GBP1: variants seen among roughly 807,000 people sequenced by gnomAD.
GBP1 encodes the protein guanylate binding protein 1.
GBP1 carries 64 observed loss-of-function variants against 69.5 expected under a neutral mutation model. The observed-to-expected ratio is 0.92, with a 90% confidence interval of 0.75 to 1.13. GBP1 has a LOEUF of 1.13. Among genes scored for constraint, GBP1 ranks in the 50% most tolerant of loss-of-function variants. GBP1 has a pLI of 0.00. For missense variants in GBP1, 630 were observed against 704.1 expected, an observed-to-expected ratio of 0.89 and a Z score of 1.19; for synonymous variants, 250 against 261.2, an observed-to-expected ratio of 0.96 and a Z score of 0.41.
rs370449948 is a variant in GBP1, at chr1:89,054,695, G to C, written c.1652C>G (p.Ala551Gly). 33 of 1,613,740 alleles carry C rather than the reference G, an allele frequency of 2.0e-5. No individual in the cohort carries two copies. Among genetic ancestry groups the C allele is most frequent in the African/African-American group, 2.0e-4 (15 of 74,920 alleles). ...GCAATTAGATACCTGAAGTTTAAGA[G>C]CGAGGGTCCTCTCTTGCTCTTTCAG... ...QLLKEQERTL[A>G]LKLQEQEQLL... The change falls in exon 10 of 11, where the codon GCT (alanine) becomes GGT (glycine). Residue 551 changes from alanine (A) to glycine (G), a missense_variant. Physicochemically the swap from Ala to Gly is moderately conservative, Grantham distance 60. Coordinates refer to ENST00000370473, the MANE Select transcript of GBP1 (RefSeq NM_002053.3).
intron 7 of GBP1, among the ~76,000 whole-genome samples, 154 bp from the exon 8 acceptor site, chr1:89,056,382 C>T (rs1438706808): frequency 6.6e-6 from 1 of 152,208 alleles, no homozygotes; most frequent in Non-Finnish European, 1.5e-5. Context: ...TCTGACCCCA[C>T]TTTCTGCTGA....
chr1:89,055,784 G>T, intron 8 of GBP1: 1 of 594,508 alleles, frequency 1.7e-6, no homozygotes, highest in Non-Finnish European at 3.0e-6. Context: ...TAATAACTTT[G>T]TGCTTCATCT....
In GBP1 at chr1:89,059,837, C is replaced by A. The variant is rs149042211; in HGVS notation, c.318+360G>T. 5.5e-3 allele frequency among the ~76,000 whole-genome samples: 836 copies of A among 151,966 alleles called. 7 individuals carry two copies. Among genetic ancestry groups the A allele is most frequent in the African/African-American group, 0.019 (776 of 41,428 alleles). On this transcript the variant is annotated intron_variant, in intron 3 of 10. Coordinates refer to ENST00000370473, the MANE Select transcript of GBP1 (RefSeq NM_002053.3). ...TATTTTATTGAATAATTAATATACA[C>A]CTGTAATGTATTATCTTATTAAATA...
intron 3 of GBP1, among the ~76,000 whole-genome samples, chr1:89,059,937 A>G (rs1469004654): frequency 1.3e-5 from 2 of 152,246 alleles, no homozygotes; most frequent in Admixed American, 6.5e-5. Flanking sequence ...GGCGAAAATA[A>G]GTCAATTTTC....
chr1:89,062,074 C>T (rs6659897), intron 2 of GBP1, among the ~76,000 whole-genome samples: 66,413 of 151,664 alleles, frequency 0.44, 15,613 homozygotes, highest in East Asian at 0.59. Flanking sequence ...GAATGTAAAA[C>T]GGTACAGTCA....
At chr1:89,057,760 T>A (rs1285652909) in intron 6 of GBP1, among the ~76,000 whole-genome samples, 2 of 152,236 alleles carry the variant, frequency 1.3e-5, no homozygotes, top group Admixed American at 6.5e-5. Context: ...CTCTATTGCA[T>A]AGTGCAGGTC....
intron 2 of GBP1, among the ~76,000 whole-genome samples, chr1:89,060,740 C>A (rs974605705): frequency 3.3e-5 from 5 of 152,176 alleles, no homozygotes; most frequent in African/African-American, 4.8e-5. Flanking sequence ...AAGGAGGCAT[C>A]CTAATTGGTA....
At chr1:89,059,456 G>A in intron 3 of GBP1, 30 bp from the exon 4 acceptor site, 1 of 1,612,434 alleles carries the variant, frequency 6.2e-7, no homozygotes, top group African/African-American at 1.3e-5. Context: ...GGAGTCAGGA[G>A]CAAGTTTCAT....
At position 89,057,120 on chromosome 1, in the gene GBP1, C is replaced by G. The variant is rs373189716; in HGVS notation, c.889G>C (p.Val297Leu). 10 of 1,614,146 alleles carry G rather than the reference C, an allele frequency of 6.2e-6. 1 individual carries two copies. In the South Asian group the frequency reaches 1.1e-4, roughly 18 times the overall value. The change falls in exon 7 of 11, where the codon GTG (valine) becomes CTG (leucine). Residue 297 changes from valine to leucine, a missense_variant. Transcript: ENST00000370473. ...CTGATGGCATTGACGTAGGTCAGCA[C>G]CAGGCTCTCTAGACCTGCATATGAA... is the stretch of plus-strand genomic sequence containing the variant. ...QVNGPRLESL[V>L]LTYVNAISSG...
intron 6 of GBP1, 55 bp downstream of exon 6, chr1:89,057,930 GAAGTTAT>G: frequency 6.7e-7 from 1 of 1,482,320 alleles, no homozygotes; most frequent in Non-Finnish European, 9.1e-7. Context: ...AAACTAGGTG[GAAGTTAT>G]TCTATGCTCC....
At chr1:89,053,865 G>T (rs574826013) in intron 10 of GBP1, among the ~76,000 whole-genome samples, 2 of 152,278 alleles carry the variant, frequency 1.3e-5, no homozygotes, top group South Asian at 2.1e-4. Flanking sequence ...ATCAGAATTA[G>T]CAGAGTATCA....
chr1:89,054,607 C>T (rs1679995914), intron 10 of GBP1, 75 bp downstream of exon 10: 2 of 1,339,416 alleles, frequency 1.5e-6, no homozygotes, highest in Non-Finnish European at 2.1e-6. Flanking sequence ...TTCTCTCTGC[C>T]ACACTAAGTT....
At chr1:89,059,246 G>A (rs1259636158) in intron 4 of GBP1, 71 bp downstream of exon 4, 4 of 1,613,676 alleles carry the variant, frequency 2.5e-6, no homozygotes, top group African/African-American at 1.3e-5. Context: ...AGGATTCACA[G>A]TCAGGCAGCT....
chr1:89,058,694 T>C, intron 5 of GBP1, 147 bp downstream of exon 5: 1 of 746,428 alleles, frequency 1.3e-6, no homozygotes, highest in East Asian at 2.7e-5. Context: ...TCTATTAATT[T>C]GGATATTCAG....
At chr1:89,060,667 T>G (rs1557750806) in intron 2 of GBP1, among the ~76,000 whole-genome samples, 1 of 152,216 alleles carries the variant, frequency 6.6e-6, no homozygotes, top group Non-Finnish European at 1.5e-5. Context: ...TGCCTACTTT[T>G]GTCAATTGCA....
intron 1 of GBP1, 145 bp from the exon 2 acceptor site, chr1:89,063,398 T>C (rs548746271): frequency 1.5e-6 from 1 of 687,942 alleles, no homozygotes; most frequent in East Asian, 2.7e-5. Flanking sequence ...GAGAAAGTTA[T>C]GGAAGTATTG....
chr1:89,056,107 A>G lies in GBP1; in HGVS notation c.1277T>C (p.Ile426Thr). The part of the protein sequence containing the change: ...SPLEEEVKAG[I>T]YSKPGGYRLF... ...ACGATAGCCCCCTGGTTTCGAATAA[A>G]TTCCCGCCTTCACTTCTTCTTCTAG... The change falls in exon 8 of 11, where the codon ATT (isoleucine) becomes ACT (threonine). Residue 426 changes from isoleucine (I) to threonine (T), a missense_variant. Physicochemically the swap from Ile to Thr is moderately conservative, Grantham distance 89. Coordinates refer to ENST00000370473, the MANE Select transcript of GBP1 (RefSeq NM_002053.3). 8 of 1,613,940 alleles carry G rather than the reference A, an allele frequency of 5.0e-6. No individual in the cohort carries two copies. Among genetic ancestry groups the G allele is most frequent in the Non-Finnish European group, 5.9e-6 (7 of 1,179,860 alleles).
At chr1:89,056,661 A>G (rs1680053892) in intron 7 of GBP1, among the ~76,000 whole-genome samples, 193 bp downstream of exon 7, 1 of 152,192 alleles carries the variant, frequency 6.6e-6, no homozygotes, top group Non-Finnish European at 1.5e-5. Context: ...ATTATTCAGG[A>G]AAAAATGTTT....
At chr1:89,053,589 T>C in intron 10 of GBP1, 121 bp from the exon 11 acceptor site, 6 of 1,442,166 alleles carry the variant, frequency 4.2e-6, no homozygotes, top group Non-Finnish European at 5.5e-6. Context: ...AAGACGTAAA[T>C]GTCATACTTT....
Sources: gnomAD v4.1 joint callset for allele counts (sites outside exome capture counted in the v4.1 genomes callset) on GRCh38, gnomAD v4.1.1 for gene constraint, MANE v1.5 for transcripts, NCBI Gene and HGNC (gene_info 2026-07-23, HGNC 2026-07-21) for gene names.